Variants in CFAP65 observed in about 807,000 individuals in gnomAD.
The protein encoded by CFAP65 is cilia and flagella associated protein 65.
Under a neutral mutation model 208.0 loss-of-function variants are expected in CFAP65, and 155 were observed. The observed-to-expected ratio is 0.75, with a 90% CI of 0.65 to 0.85. The LOEUF is 0.85. Ranked by LOEUF, CFAP65 falls within the 40% of genes least tolerant of loss-of-function variation. CFAP65 has a pLI of 0.00. For missense variants in CFAP65, 2,294 were observed against 2,451.3 expected (o/e 0.94, Z 1.36); for synonymous variants, 970 against 986.3 (o/e 0.98, Z 0.31).
chr2:219,010,076 G>A lies in CFAP65; in HGVS notation c.4318C>T (p.Leu1440=), dbSNP rs1946363617. 1 of 1,597,422 alleles carries A rather than the reference G, an allele frequency of 6.3e-7. No homozygotes were observed. Among genetic ancestry groups the A allele is most frequent in the South Asian group, 1.1e-5 (1 of 88,508 alleles). The change falls in exon 27 of 35, where the codon CTG becomes TTG. Residue 1440 remains leucine, a synonymous_variant. Coordinates refer to ENST00000341552, the MANE Select transcript of CFAP65 (RefSeq NM_194302.4). ...CCCAGGGAAATATGAGACTGGGACAGGAAGACATTCTGTGGGTGGAGAGCG... is the reference window on the plus strand; with the variant it reads ...CCCAGGGAAATATGAGACTGGGACAAGAAGACATTCTGTGGGTGGAGAGCG... The part of the protein sequence containing the change: ...RLVVPGQNVF[L]SQSHISLGNI...
Position 219,006,119 on chromosome 2 carries a change from C to A in CFAP65, c.4824G>T (p.Ser1608=), listed in dbSNP as rs767346278. The A allele has an allele frequency of 4.3e-6, 7 of 1,613,432 alleles. No individual in the cohort carries two copies. The highest frequency in any genetic ancestry group is 2.2e-5 in the East Asian group (1 of 44,890). ...EVSWPCPQPP[S]PGMLCLGLTA... is the part of the protein sequence containing the mutation. The stretch of plus-strand genomic sequence containing the variant: ...TAAGGCCCAGGCAGAGCATGCCTGG[C>A]GAGGGTGGCTGGGGGCAGGGCCAGG... The change falls in exon 31 of 35, where the codon TCG becomes TCT. Residue 1608 remains serine, a synonymous_variant. Transcript: ENST00000341552.
chr2:219,021,528 T>A (rs577843898), intron 18 of CFAP65, among the ~76,000 whole-genome samples: 2 of 152,228 alleles, frequency 1.3e-5, no homozygotes, highest in East Asian at 3.9e-4. Flanking sequence ...GTGCCCCTTT[T>A]AACAGATGAG....
chr2:219,016,450 A>G (rs1268619893), intron 21 of CFAP65, among the ~76,000 whole-genome samples: 1 of 151,882 alleles, frequency 6.6e-6, no homozygotes, highest in Non-Finnish European at 1.5e-5. Flanking sequence ...GTGCACCACC[A>G]CATCTGACTA....
Position 219,009,085 on chromosome 2 carries a change from G to T in CFAP65, c.4636C>A (p.Gln1546Lys). 1.2e-6 allele frequency: 2 copies of T among 1,612,870 alleles called. No individual in the cohort carries two copies. The highest frequency in any genetic ancestry group is 2.2e-5 in the South Asian group (2 of 91,082). The change falls in exon 29 of 35, where the codon CAG becomes AAG. Residue 1546 changes from glutamine (Q) to lysine (K), a missense_variant. By Grantham distance (53) the Gln-to-Lys change is moderately conservative (BLOSUM62 1). Around this residue, in one of 2 missense-constraint regions of CFAP65, gnomAD observed 1,427 missense variants for 1,438.7 expected, o/e 0.99. Transcript: ENST00000341552. ...TCGGTGATGGTGAACTCCACTTCCT[G>T]CCGCACCTTCTCGTCCTTCCACTCC... ...LQEWKDEKVRQEVEFTITDMK... is the reference protein window; with the variant it reads ...LQEWKDEKVRKEVEFTITDMK...
At chr2:219,026,862 C>T in intron 13 of CFAP65, 8 of 986,554 alleles carry the variant, frequency 8.1e-6, no homozygotes, top group Non-Finnish European at 9.6e-6. Context: ...TCAACATCAC[C>T]CCACTGCCAG....
rs1322421882 is a variant in CFAP65 at position 219,031,036 on chromosome 2, CA to C, written c.1015+69del. On this transcript the variant is annotated intron_variant, in intron 8 of 34. Transcript: ENST00000341552. The surrounding 1 kb of genome is among the most constrained non-coding windows in gnomAD (Gnocchi z 5.2). ...GCCAGGCCAGATGGGAGGTGGGGGA[CA>C]CTGAGGCCTGGAGGACCCAGAAGGT... 2 of 1,502,656 alleles carry C rather than the reference CA, an allele frequency of 1.3e-6. No homozygotes were observed. The highest frequency in any genetic ancestry group is 2.8e-5 in the African/African-American group (2 of 72,496). The allele number at this position is 1,502,656 out of a possible 1,614,324, so 93.1% of individuals were successfully genotyped here. A position where few individuals can be genotyped will look rare whatever the true frequency, so the allele number is the denominator to read the frequency against.
chr2:219,034,071 G>A (rs1948212405), intron 5 of CFAP65: 1 of 152,112 alleles, frequency 6.6e-6, no homozygotes, highest in Non-Finnish European at 1.5e-5. Context: ...AAATGTCTAT[G>A]GAGAAAACTT....
chr2:219,040,478 G>T, intron 2 of CFAP65, 41 bp downstream of exon 2: 1 of 996,062 alleles, frequency 1.0e-6, no homozygotes, highest in Non-Finnish European at 1.6e-6. Flanking sequence ...TATGTACCAG[G>T]TACTGTGCTA....
At chr2:219,010,478 G>T (rs775730641) in intron 26 of CFAP65, 68 bp downstream of exon 26, 285 of 1,530,344 alleles carry the variant, frequency 1.9e-4, no homozygotes, top group Non-Finnish European at 2.3e-4. Flanking sequence ...CCATCCTTCT[G>T]TCTGGCCACC....
intron 29 of CFAP65, 48 bp from the exon 30 acceptor site, chr2:219,006,557 G>A (rs1157487191): frequency 1.9e-6 from 3 of 1,593,358 alleles, no homozygotes; most frequent in Admixed American, 3.3e-5. Context: ...GGCCCGGCCG[G>A]GGGTGGTGCT....
rs763916400 is a variant in CFAP65, at chr2:219,004,246, T to C, written c.5261A>G (p.Tyr1754Cys). 1 of 1,613,982 alleles carries C rather than the reference T, an allele frequency of 6.2e-7. No homozygotes were observed. The highest frequency in any genetic ancestry group is 1.3e-5 in the African/African-American group (1 of 74,928). Residue 1754 changes from tyrosine (Y) to cysteine (C), a missense_variant, in exon 33 of 35, where the codon TAT becomes TGT. Physicochemically the swap from Tyr to Cys is radical, Grantham distance 194. Around this residue, in one of 2 missense-constraint regions of CFAP65, gnomAD observed 1,427 missense variants for 1,438.7 expected, o/e 0.99. Transcript: ENST00000341552. The surrounding 1 kb of genome is among the most constrained non-coding windows in gnomAD (Gnocchi z 4.7). ...CTCTTCCTTCTTTCCCAACCCTGGA[T>C]AGTGCTCTGGTCTGTCTTCCTTCGG... ...KQPKEDRPEH[Y>C]PGLGKKEEGE...
At chr2:219,025,201 C>T (rs888268018) in intron 14 of CFAP65, among the ~76,000 whole-genome samples, 2 of 152,120 alleles carry the variant, frequency 1.3e-5, no homozygotes, top group African/African-American at 4.8e-5. Context: ...AAGGCCACAA[C>T]CCACCAGGAG....
intron 11 of CFAP65, 62 bp from the exon 12 acceptor site, chr2:219,028,463 G>T: frequency 7.0e-7 from 1 of 1,425,906 alleles, no homozygotes; most frequent in South Asian, 1.2e-5. Context: ...GGGGGTGCTG[G>T]GGGTTGAACT....
chr2:219,009,795 G>T, intron 27 of CFAP65, 147 bp downstream of exon 27: 1 of 360,070 alleles, frequency 2.8e-6, no homozygotes, highest in Non-Finnish European at 4.5e-6. Flanking sequence ...GTGGGATAGG[G>T]TGGGATGGGA....
intron 19 of CFAP65, among the ~76,000 whole-genome samples, chr2:219,020,518 C>T (rs1222925986): frequency 1.3e-5 from 2 of 152,148 alleles, no homozygotes; most frequent in Non-Finnish European, 2.9e-5. Context: ...GTAGCTAGGA[C>T]TACAGGTGCA....
In CFAP65 at chr2:219,032,604, G is replaced by C; in HGVS notation, c.543-32C>G. ...GAGAGAGCCGGTGGGGAGCACCTCA[G>C]ATCAGGGCTCAGAACAACTGGAAGA... On this transcript the variant is annotated intron_variant, in intron 5 of 34. Transcript: ENST00000341552. This position sits in a 1 kb window ranked among gnomAD's most constrained non-coding sequence, Gnocchi z 5.5. 1 of 1,551,082 alleles carries C rather than the reference G, an allele frequency of 6.4e-7. No individual in the cohort carries two copies. Among genetic ancestry groups the C allele is most frequent in the Non-Finnish European group, 8.8e-7 (1 of 1,141,728 alleles).
rs1945847742 is a variant in CFAP65 at position 219,004,946 on chromosome 2, T to TCTTTCTTG, written c.5051+487_5051+488insCAAGAAAG. Among the ~76,000 whole-genome samples, 1 of 151,964 alleles carries TCTTTCTTG rather than the reference T, an allele frequency of 6.6e-6. No individual in the cohort carries two copies. The highest frequency in any genetic ancestry group is 2.4e-5 in the African/African-American group (1 of 41,386). The stretch of plus-strand genomic sequence containing the variant: ...CTTTCTCTCCTCTTTTTTCTTTCTT[T>TCTTTCTTG]CTTTCTTTCTTTCTCTCTCTTTCTT... On this transcript the variant is annotated intron_variant, in intron 32 of 34. Coordinates refer to ENST00000341552, the MANE Select transcript of CFAP65 (RefSeq NM_194302.4). This position sits in a 1 kb window ranked among gnomAD's most constrained non-coding sequence, Gnocchi z 4.7.
chr2:219,030,754 A>C lies in CFAP65; in HGVS notation c.1096T>G (p.Tyr366Asp). The C allele has an allele frequency of 1.2e-6, 2 of 1,614,190 alleles. No individual in the cohort carries two copies. Among genetic ancestry groups the C allele is most frequent in the Non-Finnish European group, 1.7e-6 (2 of 1,180,024 alleles). The change falls in exon 9 of 35, where the codon TAC (tyrosine) becomes GAC (aspartate). Residue 366 changes from tyrosine to aspartate, a missense_variant. Physicochemically the swap from Tyr to Asp is radical, Grantham distance 160. This residue lies in a region of CFAP65 where 867 missense variants were observed against 1,012.6 expected (regional missense o/e 0.86). Transcript: ENST00000341552. The stretch of plus-strand genomic sequence containing the variant: ...CAGCCCACAGCAACAGAGCCAAAGT[A>C]CAACAGCTTCTGGAAGCCCTCGGCA... Reference protein sequence around the residue: ...QDAEGFQKLLYFGSVAVGCTS... With the variant: ...QDAEGFQKLLDFGSVAVGCTS...
chr2:219,031,605 G>C lies in CFAP65; in HGVS notation c.699C>G (p.Val233=). 6.2e-7 allele frequency: 1 copy of C among 1,614,050 alleles called. No individual in the cohort carries two copies. Among genetic ancestry groups the C allele is most frequent in the Non-Finnish European group, 8.5e-7 (1 of 1,179,948 alleles). ...GGCAGGGCAGGGTGGCCCGTAGGCC[G>C]ACACAGAACATCCCCTCCGCTTTCT... ...WFEKAEGMFC[V]GLRATLPCHR... is the part of the protein sequence containing the mutation. Residue 233 remains valine (V), a synonymous_variant, in exon 7 of 35, where the codon GTC becomes GTG. Coordinates refer to ENST00000341552, the MANE Select transcript of CFAP65 (RefSeq NM_194302.4). This position sits in a 1 kb window ranked among gnomAD's most constrained non-coding sequence, Gnocchi z 5.2.
Sources: allele counts gnomAD v4.1 joint callset (sites outside exome capture counted in the v4.1 genomes callset), GRCh38; gene constraint gnomAD v4.1.1; regional missense constraint gnomAD v4.1.1; non-coding constraint Gnocchi (gnomAD v3.1); transcripts MANE v1.5; gene names NCBI Gene and HGNC (gene_info 2026-07-23, HGNC 2026-07-21).